The following GFM2 variants were observed in gnomAD, a reference collection of about 807,000 sequenced individuals.
GFM2 encodes ribosome-releasing factor 2, mitochondrial.
GFM2 carries 72 observed loss-of-function variants against 95.4 expected under a neutral mutation model. That is an observed-to-expected ratio of 0.76 (90% confidence interval 0.62 to 0.92). GFM2 has a LOEUF of 0.92. GFM2 is among the 40% of genes least tolerant of loss of function. GFM2 has a pLI of 0.00. For synonymous variants in GFM2, 276 were observed against 317.5 expected, an observed-to-expected ratio of 0.87 and a Z score of 1.39; for missense variants, 825 against 924.1, an observed-to-expected ratio of 0.89 and a Z score of 1.39.
chr5:74,757,520 C>T (rs1457382698), intron 5 of GFM2, among the ~76,000 whole-genome samples: 3 of 151,596 alleles, frequency 2.0e-5, no homozygotes, highest in African/African-American at 7.3e-5. Flanking sequence ...TCACTTGAGC[C>T]CAGTTTGAGA....
chr5:74,732,177 G>C (rs965039000), intron 16 of GFM2, among the ~76,000 whole-genome samples: 2 of 77,000 alleles, frequency 2.6e-5, no homozygotes, highest in African/African-American at 1.1e-4. Context: ...TCCTTATGTT[G>C]CCCAGGCTGG....
intron 8 of GFM2, 112 bp from the exon 9 acceptor site, chr5:74,746,277 T>TA (rs756945535): frequency 2.7e-5 from 14 of 528,188 alleles, no homozygotes; most frequent in Non-Finnish European, 4.4e-5. Flanking sequence ...TCTAAAATTT[T>TA]AACTCACTTT....
chr5:74,751,487 T>C lies in GFM2; in HGVS notation c.311A>G (p.Asp104Gly), dbSNP rs762579866. The change falls in exon 6 of 21, where the codon GAT becomes GGT. Residue 104 changes from aspartate (D) to glycine (G), a missense_variant. Transcript: ENST00000296805. ...GAAATCTGTCACTGTGTCTCCATCATCAACATCTAGCCAGGAAAAAGATGA... is the reference window on the plus strand; with the variant it reads ...GAAATCTGTCACTGTGTCTCCATCACCAACATCTAGCCAGGAAAAAGATGA... ...SGYTRSLGDV[D>G]DGDTVTDFMA... 3 of 1,608,660 alleles carry C rather than the reference T, an allele frequency of 1.9e-6. No homozygotes were observed. Among genetic ancestry groups the C allele is most frequent in the Non-Finnish European group, 8.5e-7 (1 of 1,175,462 alleles).
At chr5:74,731,521 T>C (rs931030338) in intron 16 of GFM2, among the ~76,000 whole-genome samples, 11 of 152,246 alleles carry the variant, frequency 7.2e-5, no homozygotes, top group African/African-American at 2.4e-4. Flanking sequence ...AAAGGAAGCA[T>C]TGCAAATGTT....
At chr5:74,727,454 G>A (rs935131869) in intron 17 of GFM2, among the ~76,000 whole-genome samples, 2 of 151,984 alleles carry the variant, frequency 1.3e-5, no homozygotes, top group Admixed American at 6.6e-5. Context: ...TGGGAGAGTC[G>A]TCTGCACTAT....
At chr5:74,734,006 CACAG>C (rs1370031903) in intron 15 of GFM2, among the ~76,000 whole-genome samples, 1 of 151,904 alleles carries the variant, frequency 6.6e-6, no homozygotes. Flanking sequence ...TTAGAAGTTC[CACAG>C]ACAAAGTGTA....
intron 17 of GFM2, 32 bp from the exon 18 acceptor site, chr5:74,726,158 A>G: frequency 6.5e-7 from 1 of 1,528,594 alleles, no homozygotes; most frequent in Non-Finnish European, 8.9e-7. Flanking sequence ...CACCTCAGAG[A>G]TTAATTCTGG....
chr5:74,749,556 G>T (rs150278288), intron 7 of GFM2, among the ~76,000 whole-genome samples: 11 of 152,046 alleles, frequency 7.2e-5, no homozygotes, highest in Non-Finnish European at 1.5e-4. Context: ...TTTCTTCTGG[G>T]TTATTATTGA....
intron 12 of GFM2, among the ~76,000 whole-genome samples, chr5:74,739,753 C>T (rs1302305179): frequency 6.6e-6 from 1 of 152,136 alleles, no homozygotes; most frequent in African/African-American, 2.4e-5. Flanking sequence ...TCAACACTTA[C>T]ACTTTTACAC....
intron 17 of GFM2, among the ~76,000 whole-genome samples, chr5:74,726,805 T>C (rs753376217): frequency 6.6e-6 from 1 of 152,210 alleles, no homozygotes; most frequent in South Asian, 2.1e-4. Context: ...CTAAGAATTA[T>C]AGTCTATAAT....
At position 74,721,758 on chromosome 5, in the gene GFM2, AGC is replaced by A; in HGVS notation, c.2235_2236del (p.Leu746AsnfsTer47). ...GGCAAAAGTAGCTGAGCCTGATGTT[AGC>A]GTTCGAAGCACAGTTGAATAACCCT... On this transcript the variant is annotated frameshift_variant, in exon 21 of 21. Transcript: ENST00000296805. LOFTEE classifies it high-confidence loss of function. The A allele has an allele frequency of 6.2e-7, 1 of 1,613,244 alleles. No homozygotes were observed. Among genetic ancestry groups the A allele is most frequent in the Non-Finnish European group, 8.5e-7 (1 of 1,179,624 alleles).
At chr5:74,729,245 C>T (rs945755003) in intron 17 of GFM2, among the ~76,000 whole-genome samples, 1 of 152,188 alleles carries the variant, frequency 6.6e-6, no homozygotes, top group African/African-American at 2.4e-5. Context: ...ATTACAAATT[C>T]TCAGAAATCT....
chr5:74,724,935 CACG>C (rs1264545231), intron 19 of GFM2, among the ~76,000 whole-genome samples: 1 of 152,064 alleles, frequency 6.6e-6, no homozygotes, highest in African/African-American at 2.4e-5. Context: ...GCGGAGGGTC[CACG>C]ACACTTAAGG....
Position 74,721,483 on chromosome 5 carries a change from A to T in GFM2, c.*172T>A. 1 of 754,838 alleles carries T rather than the reference A, an allele frequency of 1.3e-6. No individual in the cohort carries two copies. The highest frequency in any genetic ancestry group is 2.2e-6 in the Non-Finnish European group (1 of 444,984). 46.8% of individuals were successfully genotyped at this position (754,838 alleles called of 1,614,324 possible). On this transcript the variant is annotated 3_prime_UTR_variant, in exon 21 of 21. Coordinates refer to ENST00000296805, the MANE Select transcript of GFM2 (RefSeq NM_032380.5). ...AAGCACATTTCTCATTATATAAATT[A>T]AAACGGGTGGCTCCAGTGCCACTAT...
chr5:74,727,267 AAG>A (rs1453972586), intron 17 of GFM2, among the ~76,000 whole-genome samples: 1 of 152,128 alleles, frequency 6.6e-6, no homozygotes, highest in African/African-American at 2.4e-5. Context: ...AAAACTACTA[AAG>A]AGAGTATTAC....
At chr5:74,724,473 TAAAAAAAAA>T (rs113558874) in intron 19 of GFM2, among the ~76,000 whole-genome samples, 1 of 133,208 alleles carries the variant, frequency 7.5e-6, no homozygotes, top group African/African-American at 2.7e-5. Context: ...CCTTGTCTCT[TAAAAAAAAA>T]AAAAAAACAA....
intron 20 of GFM2, chr5:74,722,174 C>A: frequency 1.8e-6 from 1 of 556,852 alleles, no homozygotes; most frequent in South Asian, 2.5e-5. Context: ...CTGTAAATAC[C>A]CCCTTGTAGT....
intron 5 of GFM2, among the ~76,000 whole-genome samples, chr5:74,757,646 T>C (rs1744058407): frequency 6.7e-6 from 1 of 149,304 alleles, no homozygotes; most frequent in African/African-American, 2.5e-5. Flanking sequence ...GGAGGATCTC[T>C]TGTGCCCAAG....
At chr5:74,749,731 C>T (rs73762946) in intron 7 of GFM2, among the ~76,000 whole-genome samples, 3,676 of 152,198 alleles carry the variant, frequency 0.024, 155 homozygotes, top group African/African-American at 0.084. Flanking sequence ...TCTAACATTA[C>T]AAGTATCTTC....
Sources: gnomAD v4.1 joint callset for allele counts (sites outside exome capture counted in the v4.1 genomes callset) on GRCh38, gnomAD v4.1.1 for gene constraint, MANE v1.5 for transcripts, NCBI Gene and HGNC (gene_info 2026-07-23, HGNC 2026-07-21) for gene names.